The following DNAI3 variants were observed in gnomAD, a reference collection of about 807,000 sequenced individuals.
DNAI3 encodes the protein dynein axonemal intermediate chain 3, also known as WD repeat domain 63.
In DNAI3, 83 loss-of-function variants were observed where a neutral mutation model predicts 115.5. The observed-to-expected ratio is 0.72, with a 90% confidence interval of 0.60 to 0.86. The LOEUF (loss-of-function observed/expected upper bound fraction) is 0.86. DNAI3 is among the 40% of genes least tolerant of loss of function. The probability of loss-of-function intolerance (pLI) is 0.00; values close to 1 mark genes in which losing one functional copy is unlikely to be tolerated. For synonymous variants in DNAI3, 320 were observed against 347.0 expected (o/e 0.92, Z 0.86); for missense variants, 1,004 against 1,075.8 (o/e 0.93, Z 0.93).
chr1:85,111,142 T>G (rs1312210474), intron 16 of DNAI3, among the ~76,000 whole-genome samples: 1 of 152,216 alleles, frequency 6.6e-6, no homozygotes, highest in Non-Finnish European at 1.5e-5. Context: ...TGATAGAATA[T>G]CTAAGAAAAA....
At position 85,091,087 on chromosome 1, in the gene DNAI3, A is replaced by G. The variant is rs368706831; in HGVS notation, c.857+855A>G. Among the ~76,000 whole-genome samples the G allele has an allele frequency of 2.0e-5, 3 of 152,322 alleles. No homozygotes were observed. The East Asian group carries it at 5.8e-4, about 29-fold the overall frequency. On this transcript the variant is annotated intron_variant, in intron 8 of 22. Coordinates refer to ENST00000294664, the MANE Select transcript of DNAI3 (RefSeq NM_145172.5). ...CTCAAAAATTCAGTTAATGATTCAGAGAGAACATTATTTGCCACTCGCAGG... is the reference window on the plus strand; with the variant it reads ...CTCAAAAATTCAGTTAATGATTCAGGGAGAACATTATTTGCCACTCGCAGG...
chr1:85,132,995 G>A lies in DNAI3; in HGVS notation c.2673G>A (p.Met891Ile), dbSNP rs761527529. ...VTEKGSYMEV[M>I] ...AGAAGGGGTCATACATGGAGGTGATGTAAAAAAGCTTCCTGAAGGGGTGTT... is the reference window on the plus strand; with the variant it reads ...AGAAGGGGTCATACATGGAGGTGATATAAAAAAGCTTCCTGAAGGGGTGTT... Residue 891 changes from methionine to isoleucine, a missense_variant, in exon 23 of 23, where the codon ATG becomes ATA. This residue lies in a region of DNAI3 where 429 missense variants were observed against 454.3 expected (regional missense o/e 0.94). Transcript: ENST00000294664. The A allele has an allele frequency of 3.1e-6, 5 of 1,606,302 alleles. No individual in the cohort carries two copies. Among genetic ancestry groups the A allele is most frequent in the East Asian group, 2.2e-5 (1 of 44,538 alleles).
chr1:85,079,613 C>T (rs1024543432), intron 3 of DNAI3, among the ~76,000 whole-genome samples: 2 of 151,806 alleles, frequency 1.3e-5, no homozygotes, highest in Non-Finnish European at 2.9e-5. Context: ...GTCCTGGGGA[C>T]AGATGCAGAG....
chr1:85,122,477 A>C (rs1656020600), intron 18 of DNAI3, among the ~76,000 whole-genome samples: 1 of 152,240 alleles, frequency 6.6e-6, no homozygotes, highest in African/African-American at 2.4e-5. Context: ...GGGGTTCACT[A>C]CAATTATAAC....
chr1:85,081,466 GTACA>G, intron 4 of DNAI3, 51 bp downstream of exon 4: 1 of 1,462,362 alleles, frequency 6.8e-7, no homozygotes, highest in Non-Finnish European at 9.0e-7. Flanking sequence ...GAAGTTCCTG[GTACA>G]TAATAACAAA....
At chr1:85,090,980 G>T (rs1032026865) in intron 8 of DNAI3, among the ~76,000 whole-genome samples, 1 of 152,134 alleles carries the variant, frequency 6.6e-6, no homozygotes, top group African/African-American at 2.4e-5. Flanking sequence ...AAGAAATGTC[G>T]TTGGTTCTTT....
chr1:85,130,723 A>G (rs148859738), intron 22 of DNAI3, among the ~76,000 whole-genome samples: 3 of 151,950 alleles, frequency 2.0e-5, no homozygotes, highest in African/African-American at 7.2e-5. Context: ...ATAGATAAAT[A>G]GATATGAGGG....
At chr1:85,096,938 T>C (rs754466187) in intron 11 of DNAI3, among the ~76,000 whole-genome samples, 3 of 152,154 alleles carry the variant, frequency 2.0e-5, no homozygotes, top group African/African-American at 7.2e-5. Flanking sequence ...GACTTTATTT[T>C]AGAATATTTC....
chr1:85,071,716 C>T (rs1202185081), intron 1 of DNAI3, among the ~76,000 whole-genome samples: 1 of 152,176 alleles, frequency 6.6e-6, no homozygotes, highest in East Asian at 1.9e-4. Context: ...TAAATGGCTC[C>T]ACCAGAACAG....
chr1:85,087,924 T>C (rs1219217458), intron 7 of DNAI3, among the ~76,000 whole-genome samples: 1 of 152,076 alleles, frequency 6.6e-6, no homozygotes, highest in Non-Finnish European at 1.5e-5. Context: ...TCAGGGCATA[T>C]ATATATATGG....
At chr1:85,092,080 G>A (rs1289203172) in intron 8 of DNAI3, among the ~76,000 whole-genome samples, 1 of 152,178 alleles carries the variant, frequency 6.6e-6, no homozygotes, top group African/African-American at 2.4e-5. Context: ...TGTTCAGTGT[G>A]CTTATGAATC....
At chr1:85,073,393 T>G (rs1424156850) in intron 3 of DNAI3, among the ~76,000 whole-genome samples, 2 of 152,218 alleles carry the variant, frequency 1.3e-5, no homozygotes, top group African/African-American at 4.8e-5. Flanking sequence ...TTTTATCAGA[T>G]AAGTATTTTT....
intron 18 of DNAI3, 122 bp from the exon 19 acceptor site, chr1:85,123,999 G>T: frequency 1.6e-6 from 2 of 1,255,798 alleles, no homozygotes; most frequent in Non-Finnish European, 2.2e-6. Context: ...CTAGCCTCTG[G>T]TTCTCCACTC....
intron 13 of DNAI3, 140 bp from the exon 14 acceptor site, chr1:85,104,384 A>T (rs1655423684): frequency 1.6e-6 from 1 of 622,852 alleles, no homozygotes; most frequent in Admixed American, 2.5e-5. Context: ...GCCTATCAGA[A>T]TGCTGGGATT....
chr1:85,087,343 G>T (rs527841856), intron 7 of DNAI3, among the ~76,000 whole-genome samples: 4 of 148,538 alleles, frequency 2.7e-5, no homozygotes, highest in African/African-American at 9.9e-5. Flanking sequence ...GGCTGAGACA[G>T]GAGAATTGCT....
rs570056468 is a variant in DNAI3, at chr1:85,097,479, T to A, written c.1264-90T>A. ...TGATTATCCCCTAAGGTGATTGACTTATCAGGCTACAAACCAATAGTTAAA... is the reference window on the plus strand; with the variant it reads ...TGATTATCCCCTAAGGTGATTGACTAATCAGGCTACAAACCAATAGTTAAA... On this transcript the variant is annotated intron_variant, in intron 11 of 22. Coordinates refer to ENST00000294664, the MANE Select transcript of DNAI3 (RefSeq NM_145172.5). 229 of 1,209,340 alleles carry A rather than the reference T, an allele frequency of 1.9e-4. 1 individual carries two copies. In the African/African-American group the frequency reaches 2.9e-3, roughly 16 times the overall value. 74.9% of individuals were successfully genotyped at this position (1,209,340 alleles called of 1,614,324 possible).
At chr1:85,130,716 GATAA>G (rs1207844771) in intron 22 of DNAI3, among the ~76,000 whole-genome samples, 20 of 140,808 alleles carry the variant, frequency 1.4e-4, no homozygotes, top group Non-Finnish European at 2.1e-4. Flanking sequence ...TAGATAGATA[GATAA>G]ATAGATATGA....
chr1:85,072,515 G>A (rs7527589), intron 2 of DNAI3, among the ~76,000 whole-genome samples: 122,932 of 151,394 alleles, frequency 0.81, 50,864 homozygotes, highest in South Asian at 0.9. Context: ...GGTGGCACGC[G>A]CCTGTAATCC....
intron 7 of DNAI3, among the ~76,000 whole-genome samples, chr1:85,089,904 T>A (rs1184549551): frequency 6.6e-6 from 1 of 152,148 alleles, no homozygotes; most frequent in Non-Finnish European, 1.5e-5. Context: ...AAAAATAAGA[T>A]TTTTTTGATT....
Sources: allele counts gnomAD v4.1 joint callset (sites outside exome capture counted in the v4.1 genomes callset), GRCh38; gene constraint gnomAD v4.1.1; regional missense constraint gnomAD v4.1.1; transcripts MANE v1.5; gene names NCBI Gene and HGNC (gene_info 2026-07-23, HGNC 2026-07-21).